MAPKAP1: variants seen among roughly 807,000 people sequenced by gnomAD.
The protein encoded by MAPKAP1 is MAPK associated protein 1, also known as target of rapamycin complex 2 subunit MAPKAP1.
A neutral mutation model predicts 65.7 loss-of-function variants in MAPKAP1; 20 were observed. The ratio of observed to expected loss-of-function variants is 0.30; its 90% confidence interval spans 0.21 to 0.44. The LOEUF is 0.44. MAPKAP1 is among the 20% of genes least tolerant of loss of function. The probability of loss-of-function intolerance (pLI) is 1.00; values close to 1 mark genes in which losing one functional copy is unlikely to be tolerated. For missense variants in MAPKAP1, 423 were observed against 648.0 expected, an observed-to-expected ratio of 0.65 and a Z score of 3.77; for synonymous variants, 222 against 244.3, an observed-to-expected ratio of 0.91 and a Z score of 0.85.
At chr9:125,450,749 T>C (rs1451841173) in intron 10 of MAPKAP1, among the ~76,000 whole-genome samples, 1 of 152,244 alleles carries the variant, frequency 6.6e-6, no homozygotes, top group Non-Finnish European at 1.5e-5. Flanking sequence ...ACATTCTCAC[T>C]GGATTTCTTG....
intron 8 of MAPKAP1, among the ~76,000 whole-genome samples, chr9:125,487,599 C>T (rs1224170894): frequency 1.5e-5 from 2 of 135,782 alleles, no homozygotes; most frequent in African/African-American, 2.9e-5. Context: ...GCTCATTATG[C>T]TAAAATGCCA....
intron 4 of MAPKAP1, among the ~76,000 whole-genome samples, chr9:125,639,279 A>C (rs2131705959): frequency 6.6e-6 from 1 of 152,040 alleles, no homozygotes; most frequent in East Asian, 1.9e-4. Flanking sequence ...AAAAACCACT[A>C]TCTGGAGCTG....
chr9:125,699,148 C>T (rs1463957534), intron 1 of MAPKAP1, among the ~76,000 whole-genome samples: 1 of 152,128 alleles, frequency 6.6e-6, no homozygotes, highest in Non-Finnish European at 1.5e-5. Context: ...AGTCTAAACA[C>T]GCAATTCACT....
intron 7 of MAPKAP1, among the ~76,000 whole-genome samples, chr9:125,529,011 T>C (rs1245581861): frequency 6.7e-6 from 1 of 149,366 alleles, no homozygotes; most frequent in Non-Finnish European, 1.5e-5. Flanking sequence ...AAAATACAAC[T>C]AAAAATACAA....
At chr9:125,526,211 T>A (rs1829762889) in intron 7 of MAPKAP1, among the ~76,000 whole-genome samples, 1 of 152,192 alleles carries the variant, frequency 6.6e-6, no homozygotes, top group Non-Finnish European at 1.5e-5. Context: ...CTCCATGGAC[T>A]TTCCTATGAC....
At chr9:125,555,695 A>G (rs1564556298) in intron 6 of MAPKAP1, among the ~76,000 whole-genome samples, 1 of 152,244 alleles carries the variant, frequency 6.6e-6, no homozygotes, top group Admixed American at 6.5e-5. Context: ...CTCAGGATAC[A>G]GAGAGACAAT....
chr9:125,486,675 A>G (rs1406459188), intron 8 of MAPKAP1, among the ~76,000 whole-genome samples: 1 of 152,194 alleles, frequency 6.6e-6, no homozygotes, highest in African/African-American at 2.4e-5. Flanking sequence ...GGACCATCCC[A>G]GCACCCACAA....
chr9:125,682,962 T>C (rs1483531796), intron 1 of MAPKAP1, among the ~76,000 whole-genome samples: 1 of 149,122 alleles, frequency 6.7e-6, no homozygotes, highest in East Asian at 1.9e-4. Flanking sequence ...TTAAATTCTT[T>C]TTTTTTTTTT....
At chr9:125,440,435 C>T (rs1344942078) in intron 11 of MAPKAP1, among the ~76,000 whole-genome samples, 2 of 152,210 alleles carry the variant, frequency 1.3e-5, no homozygotes, top group Non-Finnish European at 2.9e-5. Flanking sequence ...TTTCTCTTCA[C>T]CTGCAAGTAT....
At chr9:125,645,955 A>T (rs1166753980) in intron 4 of MAPKAP1, among the ~76,000 whole-genome samples, 4 of 152,158 alleles carry the variant, frequency 2.6e-5, no homozygotes, top group Admixed American at 2.0e-4. Context: ...TAAAATTTTT[A>T]AAAATTTTTT....
chr9:125,603,777 C>T (rs955075377), intron 4 of MAPKAP1, among the ~76,000 whole-genome samples: 7 of 151,956 alleles, frequency 4.6e-5, no homozygotes, highest in African/African-American at 1.7e-4. Flanking sequence ...TCCCCTGCTG[C>T]GAACACAGGA....
chr9:125,480,485 C>A (rs1243132769), intron 9 of MAPKAP1, among the ~76,000 whole-genome samples: 4 of 152,164 alleles, frequency 2.6e-5, no homozygotes, highest in Admixed American at 2.6e-4. Flanking sequence ...GAGATACTTG[C>A]ATGACTGTCA....
At chr9:125,696,819 A>G (rs535436897) in intron 1 of MAPKAP1, among the ~76,000 whole-genome samples, 10 of 152,352 alleles carry the variant, frequency 6.6e-5, no homozygotes, top group African/African-American at 1.9e-4. Context: ...TGCCCAATTC[A>G]TGAATCGCTG....
intron 7 of MAPKAP1, among the ~76,000 whole-genome samples, chr9:125,537,244 C>T (rs1237535149): frequency 6.6e-6 from 1 of 152,234 alleles, no homozygotes; most frequent in Non-Finnish European, 1.5e-5. Context: ...TACATCATTA[C>T]ATATACAGTT....
chr9:125,628,040 TAGAA>T (rs1416310650), intron 4 of MAPKAP1, among the ~76,000 whole-genome samples: 4 of 152,188 alleles, frequency 2.6e-5, no homozygotes, highest in Non-Finnish European at 5.9e-5. Flanking sequence ...TTGCTGGTGT[TAGAA>T]AGATAAACTG....
At chr9:125,588,746 C>G (rs1424598847) in intron 4 of MAPKAP1, among the ~76,000 whole-genome samples, 6 of 152,092 alleles carry the variant, frequency 3.9e-5, no homozygotes, top group Non-Finnish European at 8.8e-5. Context: ...TTGATCATAC[C>G]ATATCCTGTT....
chr9:125,626,662 T>G (rs1833128136), intron 4 of MAPKAP1, among the ~76,000 whole-genome samples: 1 of 152,210 alleles, frequency 6.6e-6, no homozygotes, highest in Non-Finnish European at 1.5e-5. Flanking sequence ...TGGAGAGTGC[T>G]GGTCCAGACT....
chr9:125,674,342 T>C (rs1372025921), intron 1 of MAPKAP1, among the ~76,000 whole-genome samples: 8 of 152,222 alleles, frequency 5.3e-5, no homozygotes, highest in Non-Finnish European at 1.0e-4. Flanking sequence ...CAATATCCCA[T>C]CTGTCTTAGT....
At position 125,621,506 on chromosome 9, in the gene MAPKAP1, T is replaced by C. The variant is rs139401704; in HGVS notation, c.499-35779A>G. Among the ~76,000 whole-genome samples the C allele has an allele frequency of 3.5e-4, 54 of 152,318 alleles. No homozygotes were observed. In the East Asian group the frequency reaches 9.4e-3, roughly 27 times the overall value. ...TATGAGGATTAAATGAGATAATGTA[T>C]ATAAAATACTTAGCACAATGCCAAA... On this transcript the variant is annotated intron_variant, in intron 4 of 11. Coordinates refer to ENST00000265960, the MANE Select transcript of MAPKAP1 (RefSeq NM_001006617.3).
Sources: gnomAD v4.1 joint callset for allele counts (sites outside exome capture counted in the v4.1 genomes callset) on GRCh38, gnomAD v4.1.1 for gene constraint, MANE v1.5 for transcripts, NCBI Gene and HGNC (gene_info 2026-07-23, HGNC 2026-07-21) for gene names.